WIZ: variants seen among roughly 807,000 people sequenced by gnomAD.
WIZ encodes the protein protein Wiz.
In WIZ, 25 loss-of-function variants were observed where a neutral mutation model predicts 140.2. The ratio of observed to expected loss-of-function variants is 0.18; its 90% CI spans 0.13 to 0.25. The LOEUF is 0.25. WIZ is among the 10% of genes least tolerant of loss of function. The probability of loss-of-function intolerance (pLI) is 1.00; values close to 1 mark genes in which losing one functional copy is unlikely to be tolerated. For synonymous variants in WIZ, 1,125 were observed against 1,154.3 expected (o/e 0.97, Z 0.51); for missense variants, 2,231 against 2,632.6 (o/e 0.85, Z 3.34).
intron 5 of WIZ, among the ~76,000 whole-genome samples, chr19:15,434,258 TAAA>T (rs969364743): frequency 3.0e-5 from 2 of 67,742 alleles, no homozygotes; most frequent in African/African-American, 5.4e-5. Flanking sequence ...ACTCCATCTT[TAAA>T]AAAAAAAAAA....
At chr19:15,426,947 C>T (rs1349439642) in intron 9 of WIZ, 35 bp downstream of exon 9, 38 of 1,570,714 alleles carry the variant, frequency 2.4e-5, no homozygotes, top group Admixed American at 8.8e-5. Flanking sequence ...ACCCCTCCAA[C>T]TGTTCTCCCT....
chr19:15,443,486 G>C (rs1394231565), intron 2 of WIZ, among the ~76,000 whole-genome samples: 1 of 152,118 alleles, frequency 6.6e-6, no homozygotes, highest in South Asian at 2.1e-4. Flanking sequence ...CTGACTGTAT[G>C]GGCCTCCTCA....
chr19:15,431,282 C>A, intron 5 of WIZ, 100 bp from the exon 6 acceptor site: 1 of 1,374,462 alleles, frequency 7.3e-7, no homozygotes, highest in Non-Finnish European at 9.6e-7. Flanking sequence ...TGTCCGCTCT[C>A]ACTCTGCGAA....
rs760519184 is a variant in WIZ, at chr19:15,423,103, T to C, written c.5643A>G (p.Ala1881=). Residue 1881 remains alanine, a synonymous_variant, in exon 13 of 13, where the codon GCA becomes GCG. Transcript: ENST00000673675. The part of the protein sequence containing the change: ...PPPEESQAPQ[A]QTAAAEAP ...AGGGAGCCTCTGCCGCCGCTGTCTG[T>C]GCCTGCGGGGCCTGGGACTCCTCAG... 7 of 1,612,208 alleles carry C rather than the reference T, an allele frequency of 4.3e-6. No homozygotes were observed. In the South Asian group the frequency reaches 7.7e-5, roughly 18 times the overall value.
intron 2 of WIZ, among the ~76,000 whole-genome samples, chr19:15,444,966 G>A (rs1011657337): frequency 2.2e-4 from 34 of 152,182 alleles, no homozygotes; most frequent in African/African-American, 8.0e-4. Flanking sequence ...CAATTCCAGC[G>A]AGGCTCCTAT....
Position 15,428,514 on chromosome 19 carries a change from G to A in WIZ, c.3416-6C>T, listed in dbSNP as rs1969005172. 6.5e-7 allele frequency: 1 copy of A among 1,535,394 alleles called. No individual in the cohort carries two copies. The highest frequency in any genetic ancestry group is 2.0e-5 in the Admixed American group (1 of 50,962). On this transcript the variant is annotated splice_polypyrimidine_tract_variant and splice_region_variant and intron_variant, in intron 7 of 12. Transcript: ENST00000673675. This position sits in a 1 kb window ranked among gnomAD's most constrained non-coding sequence, Gnocchi z 6.4. ...GCCCCCGTCACTATCTAAAGCTGCG[G>A]AGACAAAACACAGGGGGGGTTCACG... is the stretch of plus-strand genomic sequence containing the variant.
chr19:15,446,263 G>A (rs1969916405), intron 2 of WIZ, among the ~76,000 whole-genome samples: 1 of 152,106 alleles, frequency 6.6e-6, no homozygotes, highest in African/African-American at 2.4e-5. Context: ...CCTCTCCCCA[G>A]ACCTGGGGCA....
Position 15,422,996 on chromosome 19 carries a change from A to G in WIZ, c.*80T>C. On this transcript the variant is annotated 3_prime_UTR_variant, in exon 13 of 13. Coordinates refer to ENST00000673675, the MANE Select transcript of WIZ (RefSeq NM_001371589.1). ...CTTGCTCCTTTGGAAACGGAAAGAAAGAGGAAGAGGGACAAGGACACAGAG... is the reference window on the plus strand; with the variant it reads ...CTTGCTCCTTTGGAAACGGAAAGAAGGAGGAAGAGGGACAAGGACACAGAG... The G allele has an allele frequency of 6.5e-7, 1 of 1,540,978 alleles. No homozygotes were observed. The highest frequency in any genetic ancestry group is 1.9e-5 in the Admixed American group (1 of 52,798).
chr19:15,436,653 G>T, intron 5 of WIZ, 153 bp downstream of exon 5: 1 of 729,444 alleles, frequency 1.4e-6, no homozygotes, highest in Non-Finnish European at 2.1e-6. Flanking sequence ...CTAAATAGCA[G>T]GGTGGTTGTA....
In WIZ at chr19:15,429,925, G is replaced by A. The variant is rs1295178760; in HGVS notation, c.3076C>T (p.Pro1026Ser). The change falls in exon 7 of 13, where the codon CCT (proline) becomes TCT (serine). Residue 1026 changes from proline to serine, a missense_variant. Pro to Ser is a moderately conservative substitution (Grantham distance 74, BLOSUM62 -1). Coordinates refer to ENST00000673675, the MANE Select transcript of WIZ (RefSeq NM_001371589.1). The stretch of plus-strand genomic sequence containing the variant: ...GGGGGCAGCCCAAGGTGGGCGTCAG[G>A]CAGACCCTTCTGCTTCACAAGCTCG... ...LYELVKQKGL[P>S]DAHLGLPPGL... The A allele has an allele frequency of 3.8e-5, 59 of 1,535,916 alleles. No homozygotes were observed. The highest frequency in any genetic ancestry group is 5.0e-5 in the Non-Finnish European group (57 of 1,146,826).
At chr19:15,431,276 C>T (rs543179553) in intron 5 of WIZ, 94 bp from the exon 6 acceptor site, 124 of 1,381,404 alleles carry the variant, frequency 9.0e-5, no homozygotes, top group Admixed American at 1.1e-4. Flanking sequence ...CCTTGATGTC[C>T]GCTCTCACTC....
chr19:15,440,858 G>C lies in WIZ; in HGVS notation c.279-143C>G, dbSNP rs1471248411. 2.7e-6 allele frequency: 2 copies of C among 744,630 alleles called. No individual in the cohort carries two copies. The highest frequency in any genetic ancestry group is 4.2e-6 in the Non-Finnish European group (2 of 472,980). 46.1% of individuals were successfully genotyped at this position (744,630 alleles called of 1,614,324 possible). A position where few individuals can be genotyped will look rare whatever the true frequency, so the allele number is the denominator to read the frequency against. ...TGACAGGGGTGTGGGGGTGAGGGTG[G>C]GAGGTAGGGGGAGTCCACGTGGATC... On this transcript the variant is annotated intron_variant, in intron 3 of 12. Coordinates refer to ENST00000673675, the MANE Select transcript of WIZ (RefSeq NM_001371589.1). This position sits in a 1 kb window ranked among gnomAD's most constrained non-coding sequence, Gnocchi z 6.2.
intron 12 of WIZ, chr19:15,423,974 AGCTGGT>A: frequency 1.0e-5 from 5 of 483,486 alleles, no homozygotes; most frequent in Admixed American, 4.2e-5. Flanking sequence ...GAGGTCACTA[AGCTGGT>A]AAGTGGCAGA....
chr19:15,438,897 C>T lies in WIZ; in HGVS notation c.2097G>A (p.Arg699=). 6.9e-7 allele frequency: 1 copy of T among 1,450,602 alleles called. No homozygotes were observed. The highest frequency in any genetic ancestry group is 9.1e-7 in the Non-Finnish European group (1 of 1,102,392). The allele number at this position is 1,450,602 out of a possible 1,614,324, so 89.9% of individuals were successfully genotyped here. The change falls in exon 4 of 13, where the codon AGG becomes AGA. Residue 699 remains arginine, a synonymous_variant. Coordinates refer to ENST00000673675, the MANE Select transcript of WIZ (RefSeq NM_001371589.1). ...KLGPQVMAAA[R]VPPRLQPEEL... ...CCTCGGGCTGCAACCTTGGGGGCAC[C>T]CTGGCTGCCGCCATGACCTGCGGCC...
intron 5 of WIZ, among the ~76,000 whole-genome samples, chr19:15,435,321 G>A (rs747343275): frequency 6.6e-6 from 1 of 151,986 alleles, no homozygotes; most frequent in Non-Finnish European, 1.5e-5. Flanking sequence ...CTTAGTACAG[G>A]GGCCAGGCGT....
Position 15,440,299 on chromosome 19 carries a change from GCCATGT to G in WIZ, c.689_694del (p.Asp230_Met231del), listed in dbSNP as rs1568311608. On this transcript the variant is annotated inframe_deletion, in exon 4 of 13. Transcript: ENST00000673675. This position sits in a 1 kb window ranked among gnomAD's most constrained non-coding sequence, Gnocchi z 6.2. ...CAGATCTTCTCTGCCACCCACCACCGCCATGTCCAGCGTCTTCGGGGTGTCTTCCAC... is the reference window on the plus strand; with the variant it reads ...CAGATCTTCTCTGCCACCCACCACCGCCAGCGTCTTCGGGGTGTCTTCCAC... 10 of 1,503,438 alleles carry G rather than the reference GCCATGT, an allele frequency of 6.7e-6. No individual in the cohort carries two copies. The highest frequency in any genetic ancestry group is 2.5e-5 in the East Asian group (1 of 40,534). The allele number at this position is 1,503,438 out of a possible 1,614,324, so 93.1% of individuals were successfully genotyped here.
At chr19:15,449,316 G>A (rs1338254919) in intron 1 of WIZ, among the ~76,000 whole-genome samples, 5 of 151,968 alleles carry the variant, frequency 3.3e-5, no homozygotes, top group Admixed American at 3.3e-4. Flanking sequence ...ATTCCCAGGG[G>A]GCTCCTCCGT....
At chr19:15,435,092 C>T (rs1182391089) in intron 5 of WIZ, among the ~76,000 whole-genome samples, 2 of 152,016 alleles carry the variant, frequency 1.3e-5, no homozygotes, top group Non-Finnish European at 2.9e-5. Flanking sequence ...GGTGGCACGC[C>T]CTGTAATCCC....
rs1423082178 is a variant in WIZ at position 15,439,517 on chromosome 19, C to T, written c.1477G>A (p.Glu493Lys). 4.6e-6 allele frequency: 7 copies of T among 1,533,776 alleles called. No homozygotes were observed. The African/African-American group carries it at 6.9e-5, about 15-fold the overall frequency. Residue 493 changes from glutamate (E) to lysine (K), a missense_variant, in exon 4 of 13, where the codon GAG (glutamate) becomes AAG (lysine). Coordinates refer to ENST00000673675, the MANE Select transcript of WIZ (RefSeq NM_001371589.1). The surrounding 1 kb of genome is among the most constrained non-coding windows in gnomAD (Gnocchi z 7.0). ...TCCTCATAAGCCTCGCCATCCTCCTCCCAGTGGGGATGGGCATGCACCAGC... is the reference window on the plus strand; with the variant it reads ...TCCTCATAAGCCTCGCCATCCTCCTTCCAGTGGGGATGGGCATGCACCAGC... ...VRLVHAHPHW[E>K]EDGEAYEEDP...
Sources: gnomAD v4.1 joint callset for allele counts (sites outside exome capture counted in the v4.1 genomes callset) on GRCh38, gnomAD v4.1.1 for gene constraint, Gnocchi (gnomAD v3.1) non-coding constraint, MANE v1.5 for transcripts, NCBI Gene and HGNC (gene_info 2026-07-23, HGNC 2026-07-21) for gene names.